Variants in SH3TC2 observed in about 807,000 individuals in gnomAD.
The protein encoded by SH3TC2 is SH3 domain and tetratricopeptide repeat-containing protein 2.
In SH3TC2, 87 loss-of-function variants were observed where a neutral mutation model predicts 124.5. The ratio of observed to expected loss-of-function variants is 0.70; its 90% confidence interval spans 0.59 to 0.84. The LOEUF is 0.84. SH3TC2 is among the 40% of genes least tolerant of loss of function. The probability of loss-of-function intolerance (pLI) is 0.00; values close to 1 mark genes in which losing one functional copy is unlikely to be tolerated. For synonymous variants in SH3TC2, 634 were observed against 628.5 expected, an observed-to-expected ratio of 1.01 and a Z score of -0.13; for missense variants, 1,536 against 1,566.4, an observed-to-expected ratio of 0.98 and a Z score of 0.33.
At position 149,000,775 on chromosome 5, in the gene SH3TC2, A is replaced by G. The variant is rs1444593396; in HGVS notation, c.*3936T>C. The stretch of plus-strand genomic sequence containing the variant: ...AGTACCACTGTCTTTGCCACTAACT[A>G]CCAATGTGTCTGGGAGAAAGTTACC... On this transcript the variant is annotated 3_prime_UTR_variant, in exon 17 of 17. Transcript: ENST00000515425. Among the ~76,000 whole-genome samples, 1 of 152,184 alleles carries G rather than the reference A, an allele frequency of 6.6e-6. No individual in the cohort carries two copies. The highest frequency in any genetic ancestry group is 1.5e-5 in the Non-Finnish European group (1 of 68,020).
At chr5:149,010,500 A>G in intron 13 of SH3TC2, 108 bp from the exon 14 acceptor site, 1 of 1,456,142 alleles carries the variant, frequency 6.9e-7, no homozygotes, top group Non-Finnish European at 9.4e-7. Flanking sequence ...ATCCTCTGCT[A>G]AAGTCCCCCA....
chr5:149,035,234 T>TCTAA (rs1446497127), intron 8 of SH3TC2, among the ~76,000 whole-genome samples: 1 of 152,208 alleles, frequency 6.6e-6, no homozygotes, highest in African/African-American at 2.4e-5. Context: ...AAGAATGTTT[T>TCTAA]CTAACTGTAA....
At position 148,987,818 on chromosome 5, in the gene SH3TC2, T is replaced by TGTG. The variant is rs1753357885; in HGVS notation, c.*16890_*16892dup. Among the ~76,000 whole-genome samples, 1 of 138,248 alleles carries TGTG rather than the reference T, an allele frequency of 7.2e-6. No individual in the cohort carries two copies. The highest frequency in any genetic ancestry group is 3.0e-5 in the African/African-American group (1 of 33,452). The allele number at this position is 138,248 out of a possible 152,430, so 90.7% of individuals were successfully genotyped here. A position where few individuals can be genotyped will look rare whatever the true frequency, so the allele number is the denominator to read the frequency against. ...AGGCCTCATTCAAAATCTGTGTGTG[T>TGTG]GTGTGTGTGTGTGTGTGTGTGTGTG... On this transcript the variant is annotated 3_prime_UTR_variant, in exon 17 of 17. Transcript: ENST00000515425.
Position 148,995,504 on chromosome 5 carries a change from A to G in SH3TC2, c.*9207T>C, listed in dbSNP as rs960043366. The stretch of plus-strand genomic sequence containing the variant: ...CCACAGCTATAGCAACTTATTCTAA[A>G]CAAACAAAAATTATGCTTATTATTC... On this transcript the variant is annotated 3_prime_UTR_variant, in exon 17 of 17. Coordinates refer to ENST00000515425, the MANE Select transcript of SH3TC2 (RefSeq NM_024577.4). Among the ~76,000 whole-genome samples the G allele has an allele frequency of 6.6e-6, 1 of 151,924 alleles. No individual in the cohort carries two copies. The highest frequency in any genetic ancestry group is 2.4e-5 in the African/African-American group (1 of 41,454).
chr5:148,985,543 A>G lies in SH3TC2; in HGVS notation c.*19168T>C, dbSNP rs546045662. On this transcript the variant is annotated 3_prime_UTR_variant, in exon 17 of 17. Transcript: ENST00000515425. ...AAGTTGTTGCATGTATTGGGTGCTC[A>G]TTTCTTTTTATTACTGAGTAGTATT... 2.0e-5 allele frequency among the ~76,000 whole-genome samples: 3 copies of G among 152,228 alleles called. No homozygotes were observed. The South Asian group carries it at 6.2e-4, about 32-fold the overall frequency.
Position 148,990,639 on chromosome 5 carries a change from C to T in SH3TC2, c.*14072G>A, listed in dbSNP as rs896718555. Reference sequence around the variant, plus strand: ...CTTGTTTCCTCACCTATAAAATGGGCATGTTAATAATACCACCCTTGAGGT... The same window carrying T: ...CTTGTTTCCTCACCTATAAAATGGGTATGTTAATAATACCACCCTTGAGGT... On this transcript the variant is annotated 3_prime_UTR_variant, in exon 17 of 17. Transcript: ENST00000515425. Among the ~76,000 whole-genome samples, 1 of 152,146 alleles carries T rather than the reference C, an allele frequency of 6.6e-6. No individual in the cohort carries two copies. The highest frequency in any genetic ancestry group is 1.5e-5 in the Non-Finnish European group (1 of 68,032).
intron 12 of SH3TC2, among the ~76,000 whole-genome samples, chr5:149,023,959 G>T (rs924067277): frequency 1.1e-4 from 16 of 152,216 alleles, no homozygotes; most frequent in African/African-American, 3.9e-4. Flanking sequence ...TATGTAATTT[G>T]GTTCTTTATC....
intron 16 of SH3TC2, among the ~76,000 whole-genome samples, chr5:149,006,490 A>G (rs1753690820): frequency 6.6e-6 from 1 of 152,228 alleles, no homozygotes; most frequent in Non-Finnish European, 1.5e-5. Context: ...CAAACTCTTA[A>G]GTATTCATTT....
Position 149,004,700 on chromosome 5 carries a change from G to A in SH3TC2, c.*11C>T. ...GGCCATGCCAAATGTCCAGAGACAG[G>A]ACAGCTTTCCTCAGAGGGCCAGGCC... On this transcript the variant is annotated 3_prime_UTR_variant, in exon 17 of 17. Coordinates refer to ENST00000515425, the MANE Select transcript of SH3TC2 (RefSeq NM_024577.4). 1 of 1,612,520 alleles carries A rather than the reference G, an allele frequency of 6.2e-7. No individual in the cohort carries two copies. Among genetic ancestry groups the A allele is most frequent in the Non-Finnish European group, 8.5e-7 (1 of 1,179,900 alleles).
rs374376222 is a variant in SH3TC2 at position 149,004,816 on chromosome 5, C to T, written c.3762G>A (p.Arg1254=). ...TCTGGCAGATGTTGTCCAGCCTGCTCCTAATGGTGTCCTGAAGCTCCTCAT... is the reference window on the plus strand; with the variant it reads ...TCTGGCAGATGTTGTCCAGCCTGCTTCTAATGGTGTCCTGAAGCTCCTCAT... The part of the protein sequence containing the change: ...LGDEELQDTI[R]SRLDNICQSP... The change falls in exon 17 of 17, where the codon AGG becomes AGA. Residue 1254 remains arginine (R), a synonymous_variant. Coordinates refer to ENST00000515425, the MANE Select transcript of SH3TC2 (RefSeq NM_024577.4). The T allele has an allele frequency of 8.7e-6, 14 of 1,614,156 alleles. No individual in the cohort carries two copies. Among genetic ancestry groups the T allele is most frequent in the Non-Finnish European group, 1.1e-5 (13 of 1,180,034 alleles).
intron 1 of SH3TC2, among the ~76,000 whole-genome samples, chr5:149,053,272 G>A (rs887313772): frequency 1.3e-5 from 2 of 152,190 alleles, no homozygotes; most frequent in African/African-American, 4.8e-5. Context: ...TCTGGTTAAT[G>A]TTGAACCTAA....
chr5:149,056,011 A>G (rs1000790784), intron 1 of SH3TC2, among the ~76,000 whole-genome samples: 2 of 152,224 alleles, frequency 1.3e-5, no homozygotes, highest in Non-Finnish European at 2.9e-5. Context: ...CACTTGTGAA[A>G]AGTCACCACA....
In SH3TC2 at chr5:148,984,600, G is replaced by A. The variant is rs1284094435; in HGVS notation, c.*20111C>T. On this transcript the variant is annotated 3_prime_UTR_variant, in exon 17 of 17. Transcript: ENST00000515425. Reference sequence around the variant, plus strand: ...AGTCTTCTGCCTCACTCTGGACTAGGCAATGCTTCATATATCTCCAAGGTT... The same window carrying A: ...AGTCTTCTGCCTCACTCTGGACTAGACAATGCTTCATATATCTCCAAGGTT... Among the ~76,000 whole-genome samples, 1 of 152,050 alleles carries A rather than the reference G, an allele frequency of 6.6e-6. No individual in the cohort carries two copies. Among genetic ancestry groups the A allele is most frequent in the Non-Finnish European group, 1.5e-5 (1 of 67,998 alleles).
chr5:149,022,234 G>T (rs115882985), intron 12 of SH3TC2, among the ~76,000 whole-genome samples: 2 of 152,184 alleles, frequency 1.3e-5, no homozygotes, highest in South Asian at 2.1e-4. Flanking sequence ...AAATGGACAC[G>T]TGAATAGACA....
At chr5:149,059,827 G>C (rs1314855320) in intron 1 of SH3TC2, among the ~76,000 whole-genome samples, 1 of 152,096 alleles carries the variant, frequency 6.6e-6, no homozygotes, top group Non-Finnish European at 1.5e-5. Context: ...GAGATATCCA[G>C]GGGCCCCTAA....
chr5:149,062,901 G>C, intron 1 of SH3TC2, 70 bp downstream of exon 1: 1 of 1,448,150 alleles, frequency 6.9e-7, no homozygotes, highest in Admixed American at 2.0e-5. Flanking sequence ...CAACCCAGCA[G>C]GTCCCTGAGC....
rs80338932 is a variant in SH3TC2, at chr5:149,026,903, A to C, written c.2829T>G (p.Tyr943Ter). The change falls in exon 11 of 17, where the codon TAT (tyrosine) becomes TAG (stop). Residue 943 changes from tyrosine (Y) to a stop codon, truncating the protein, a stop_gained. Coordinates refer to ENST00000515425, the MANE Select transcript of SH3TC2 (RefSeq NM_024577.4). LOFTEE classifies it high-confidence loss of function. The part of the protein sequence containing the change: ...GHQLTHGLLC[Y>*]EMALLFGLRH... ...TTAAGCCAAACAGCAATGCCATTTC[A>C]TAACAAAGAAGGCCATGGGTCAGCT... 3.7e-6 allele frequency: 6 copies of C among 1,614,102 alleles called. No individual in the cohort carries two copies. The highest frequency in any genetic ancestry group is 4.2e-6 in the Non-Finnish European group (5 of 1,180,052).
intron 1 of SH3TC2, among the ~76,000 whole-genome samples, chr5:149,060,050 C>G (rs1754718507): frequency 6.6e-6 from 1 of 152,180 alleles, no homozygotes; most frequent in Admixed American, 6.5e-5. Context: ...CACCCTTGAT[C>G]TCCTGTTATT....
chr5:149,019,360 T>C (rs1183507248), intron 12 of SH3TC2, among the ~76,000 whole-genome samples: 3 of 152,196 alleles, frequency 2.0e-5, no homozygotes, highest in African/African-American at 7.2e-5. Flanking sequence ...CATTACAGCA[T>C]GTTCTCTTTG....
Sources: gnomAD v4.1 joint callset for allele counts (sites outside exome capture counted in the v4.1 genomes callset) on GRCh38, gnomAD v4.1.1 for gene constraint, MANE v1.5 for transcripts, NCBI Gene and HGNC (gene_info 2026-07-23, HGNC 2026-07-21) for gene names.